The following NOX3 variants were observed in gnomAD, a reference collection of about 807,000 sequenced individuals.
The protein encoded by NOX3 is NADPH oxidase catalytic subunit-like 3.
In NOX3, 74 loss-of-function variants were observed where a neutral mutation model predicts 76.7. That is an observed-to-expected ratio of 0.96 (90% CI 0.80 to 1.17). The LOEUF is 1.17. Ranked by LOEUF, NOX3 falls within the 50% of genes most tolerant of loss-of-function variation. The probability of loss-of-function intolerance (pLI) is 0.00; values close to 1 mark genes in which losing one functional copy is unlikely to be tolerated. For missense variants in NOX3, 695 were observed against 703.3 expected (o/e 0.99, Z 0.13); for synonymous variants, 263 against 261.1 (o/e 1.01, Z -0.07).
At chr6:155,424,013 T>C (rs748374844) in intron 9 of NOX3, among the ~76,000 whole-genome samples, 10 of 152,304 alleles carry the variant, frequency 6.6e-5, no homozygotes, top group Non-Finnish European at 1.3e-4. Context: ...AGTGCTGGGA[T>C]TACAGGCGTG....
intron 10 of NOX3, among the ~76,000 whole-genome samples, chr6:155,416,252 C>A (rs1776620111): frequency 6.6e-6 from 1 of 152,210 alleles, no homozygotes; most frequent in Admixed American, 6.5e-5. Flanking sequence ...TTGAAACCAG[C>A]AGGATGACAG....
At chr6:155,399,454 C>T (rs777953980) in intron 12 of NOX3, among the ~76,000 whole-genome samples, 11 of 152,204 alleles carry the variant, frequency 7.2e-5, no homozygotes, top group Non-Finnish European at 1.0e-4. Flanking sequence ...TAAGTCCACA[C>T]TTTACTCAGG....
At chr6:155,428,758 TA>T in intron 9 of NOX3, 35 bp downstream of exon 9, 1 of 1,463,738 alleles carries the variant, frequency 6.8e-7, no homozygotes, top group Non-Finnish European at 9.1e-7. Flanking sequence ...CTTTTTATAA[TA>T]CTGCAATTTA....
chr6:155,428,906 G>T lies in NOX3; in HGVS notation c.1033C>A (p.Gln345Lys), dbSNP rs79326507. ...WHPFTLTSAP[Q>K]EDFFSVHIRA... is the part of the protein sequence containing the mutation. ...ATGTGCACGCTGAAAAAGTCCTCCTGGGGGGCAGAGGTAAGGGTGAAGGGG... is the reference window on the plus strand; with the variant it reads ...ATGTGCACGCTGAAAAAGTCCTCCTTGGGGGCAGAGGTAAGGGTGAAGGGG... Residue 345 changes from glutamine to lysine, a missense_variant, in exon 9 of 14, where the codon CAG (glutamine) becomes AAG (lysine). Physicochemically the swap from Gln to Lys is moderately conservative, Grantham distance 53 (BLOSUM62 1). Coordinates refer to ENST00000159060, the MANE Select transcript of NOX3 (RefSeq NM_015718.3). 1,759 of 1,613,278 alleles carry T rather than the reference G, an allele frequency of 1.1e-3. 12 individuals carry two copies. In the African/African-American group the frequency reaches 0.021, roughly 19 times the overall value.
intron 6 of NOX3, among the ~76,000 whole-genome samples, chr6:155,437,701 G>A (rs568116057): frequency 6.6e-6 from 1 of 152,336 alleles, no homozygotes; most frequent in Admixed American, 6.5e-5. Flanking sequence ...TTCTCAGGCT[G>A]TAGGCAGCAT....
intron 4 of NOX3, among the ~76,000 whole-genome samples, chr6:155,446,779 T>C (rs1003229907): frequency 9.2e-5 from 14 of 152,128 alleles, no homozygotes; most frequent in African/African-American, 3.4e-4. Flanking sequence ...TCATTGTAGG[T>C]TGGTGTAAAT....
intron 9 of NOX3, among the ~76,000 whole-genome samples, chr6:155,427,049 T>G (rs1274160391): frequency 7.3e-4 from 67 of 92,134 alleles, no homozygotes; most frequent in South Asian, 1.9e-3. Context: ...TTGGTGAGGG[T>G]GGGGGTGCTG....
At position 155,440,122 on chromosome 6, in the gene NOX3, A is replaced by G. The variant is rs545212645; in HGVS notation, c.502T>C (p.Leu168=). 4 of 1,587,902 alleles carry G rather than the reference A, an allele frequency of 2.5e-6. No individual in the cohort carries two copies. In the Admixed American group the frequency reaches 7.2e-5, roughly 29 times the overall value. Residue 168 remains leucine, a synonymous_variant, in exon 6 of 14, where the codon TTG becomes CTG. Transcript: ENST00000159060. ...GTGACGCCTGCTATTGTCCTTAGCA[A>G]TTCAGTGGTTGTGTTCTAAAAAAAA... ...RTFPTNTTTE[L]LRTIAGVTGL...
chr6:155,417,771 A>G (rs181189384), intron 10 of NOX3, among the ~76,000 whole-genome samples: 50 of 151,866 alleles, frequency 3.3e-4, no homozygotes, highest in Non-Finnish European at 1.5e-5. Context: ...TTGTTTTATT[A>G]ATATATTTTA....
intron 10 of NOX3, among the ~76,000 whole-genome samples, chr6:155,420,952 C>T (rs532638433): frequency 6.6e-6 from 1 of 152,242 alleles, no homozygotes; most frequent in Admixed American, 6.5e-5. Flanking sequence ...TTAAAACTCC[C>T]TGTTGGATAT....
intron 9 of NOX3, among the ~76,000 whole-genome samples, chr6:155,427,560 A>G (rs1263582553): frequency 6.6e-6 from 1 of 152,232 alleles, no homozygotes; most frequent in Non-Finnish European, 1.5e-5. Flanking sequence ...GCCCTCAGGA[A>G]CTTCCATTTG....
chr6:155,416,687 G>A (rs112661319), intron 10 of NOX3, among the ~76,000 whole-genome samples: 1,569 of 148,942 alleles, frequency 0.011, 28 homozygotes, highest in Non-Finnish European at 0.012. Context: ...TTGGGCCTCC[G>A]TTTGGTCTAA....
Position 155,428,963 on chromosome 6 carries a change from G to A in NOX3, c.976C>T (p.Gln326Ter), listed in dbSNP as rs781019515. 4 of 1,614,054 alleles carry A rather than the reference G, an allele frequency of 2.5e-6. No homozygotes were observed. Among genetic ancestry groups the A allele is most frequent in the Non-Finnish European group, 8.5e-7 (1 of 1,179,942 alleles). Residue 326 changes from glutamine (Q) to a stop codon, truncating the protein, a stop_gained, in exon 9 of 14, where the codon CAG becomes TAG. Coordinates refer to ENST00000159060, the MANE Select transcript of NOX3 (RefSeq NM_015718.3). LOFTEE classifies it high-confidence loss of function. ...TCCAGCGAAGATATGGCTGGGCACT[G>A]CACCAAGATGTACTGCCCTGGCGCC... ...KMAPGQYILVQCPAISSLEWH... is the reference protein window; with the variant it reads ...KMAPGQYILV
At chr6:155,412,466 A>G (rs1776563702) in intron 10 of NOX3, among the ~76,000 whole-genome samples, 1 of 152,228 alleles carries the variant, frequency 6.6e-6, no homozygotes, top group South Asian at 2.1e-4. Flanking sequence ...TATTTGTAAG[A>G]GTAAAAGATG....
intron 10 of NOX3, among the ~76,000 whole-genome samples, chr6:155,414,518 G>C (rs1341974345): frequency 6.6e-6 from 1 of 151,412 alleles, no homozygotes; most frequent in Non-Finnish European, 1.5e-5. Flanking sequence ...TTATTAAATA[G>C]AAAGTCATTC....
intron 7 of NOX3, among the ~76,000 whole-genome samples, chr6:155,435,524 GTT>G (rs34819529): frequency 1.1e-4 from 16 of 150,344 alleles, no homozygotes; most frequent in Middle Eastern, 3.4e-3. Flanking sequence ...ATATTTGAGG[GTT>G]TTTTTTTTAA....
intron 8 of NOX3, 135 bp from the exon 9 acceptor site, chr6:155,429,182 T>G: frequency 1.2e-6 from 1 of 816,004 alleles, no homozygotes; most frequent in Admixed American, 3.1e-5. Context: ...TGCTGTTAGC[T>G]CCCAAAGATA....
rs1305712599 is a variant in NOX3, at chr6:155,454,741, T to C, written c.255+70A>G. On this transcript the variant is annotated intron_variant, in intron 3 of 13. Coordinates refer to ENST00000159060, the MANE Select transcript of NOX3 (RefSeq NM_015718.3). The stretch of plus-strand genomic sequence containing the variant: ...ACTGAGAATTTCATAATAAAGTACA[T>C]TTTTTTTCAATGGCACTTATATGAG... The C allele has an allele frequency of 6.9e-6, 6 of 874,574 alleles. No individual in the cohort carries two copies. In the East Asian group the frequency reaches 1.7e-4, roughly 24 times the overall value. The allele number at this position is 874,574 out of a possible 1,614,324, so 54.2% of individuals were successfully genotyped here.
At chr6:155,438,700 A>G (rs577727175) in intron 6 of NOX3, among the ~76,000 whole-genome samples, 1 of 152,330 alleles carries the variant, frequency 6.6e-6, no homozygotes, top group East Asian at 1.9e-4. Context: ...ACCCAGAGTC[A>G]CCAAGGCAGG....
Sources: allele counts gnomAD v4.1 joint callset (sites outside exome capture counted in the v4.1 genomes callset), GRCh38; gene constraint gnomAD v4.1.1; transcripts MANE v1.5; gene names NCBI Gene and HGNC (gene_info 2026-07-23, HGNC 2026-07-21).